The following NRXN1 variants were observed in gnomAD, a reference collection of about 807,000 sequenced individuals.
NRXN1 encodes the protein neurexin 1, also known as neurexin-1.
Under a neutral mutation model 150.9 loss-of-function variants are expected in NRXN1, and 39 were observed. The ratio of observed to expected loss-of-function variants is 0.26; its 90% CI spans 0.20 to 0.34. The LOEUF is 0.34. NRXN1 is among the 10% of genes least tolerant of loss of function. NRXN1 has a pLI of 1.00. For missense variants in NRXN1, 1,815 were observed against 1,949.9 expected, an observed-to-expected ratio of 0.93 and a Z score of 1.30; for synonymous variants, 924 against 757.0, an observed-to-expected ratio of 1.22 and a Z score of -3.62.
chr2:50,692,024 C>T (rs560586245), intron 5 of NRXN1, among the ~76,000 whole-genome samples: 12 of 152,156 alleles, frequency 7.9e-5, no homozygotes, highest in African/African-American at 1.9e-4. Context: ...TGGGGAGATA[C>T]GTCTGTGTGT....
At chr2:50,161,677 TG>T (rs748854683) in intron 18 of NRXN1, among the ~76,000 whole-genome samples, 1 of 152,186 alleles carries the variant, frequency 6.6e-6, no homozygotes, top group Non-Finnish European at 1.5e-5. Flanking sequence ...TTATCTGCAC[TG>T]ACAGTCAGCA....
At chr2:50,988,191 C>A (rs563911761) in intron 2 of NRXN1, among the ~76,000 whole-genome samples, 3 of 151,894 alleles carry the variant, frequency 2.0e-5, no homozygotes, top group Non-Finnish European at 2.9e-5. Context: ...GTCTTGTCGG[C>A]GCTCCTTAGA....
chr2:50,493,426 T>G (rs2091376830), intron 15 of NRXN1, among the ~76,000 whole-genome samples: 1 of 152,178 alleles, frequency 6.6e-6, no homozygotes, highest in South Asian at 2.1e-4. Context: ...CCACAGCACC[T>G]AAAAGTGCTG....
chr2:50,555,818 A>T (rs1048309031), intron 8 of NRXN1, among the ~76,000 whole-genome samples: 2 of 152,222 alleles, frequency 1.3e-5, no homozygotes, highest in Admixed American at 6.5e-5. Flanking sequence ...ACTTATGTGC[A>T]TATCCAGTTC....
At chr2:50,480,471 T>A (rs1362318080) in intron 15 of NRXN1, among the ~76,000 whole-genome samples, 1 of 152,156 alleles carries the variant, frequency 6.6e-6, no homozygotes, top group Non-Finnish European at 1.5e-5. Flanking sequence ...TCACACTGTC[T>A]CTCCAGACTC....
At chr2:50,410,837 T>C (rs2083097623) in intron 17 of NRXN1, among the ~76,000 whole-genome samples, 1 of 152,162 alleles carries the variant, frequency 6.6e-6, no homozygotes, top group Non-Finnish European at 1.5e-5. Flanking sequence ...AGTACTTGCA[T>C]TATCATTCCA....
At chr2:50,886,976 T>G (rs1680343069) in intron 5 of NRXN1, among the ~76,000 whole-genome samples, 1 of 151,420 alleles carries the variant, frequency 6.6e-6, no homozygotes, top group African/African-American at 2.4e-5. Context: ...TTTCAAATAA[T>G]TTTTAGAATA....
chr2:49,929,243 G>A (rs1201735544), intron 22 of NRXN1, among the ~76,000 whole-genome samples: 1 of 152,174 alleles, frequency 6.6e-6, no homozygotes, highest in South Asian at 2.1e-4. Flanking sequence ...GAACAGAAGA[G>A]ACAATGGATG....
At position 49,937,772 on chromosome 2, in the gene NRXN1, C is replaced by T. The variant is rs182242290; in HGVS notation, c.4216+5932G>A. Among the ~76,000 whole-genome samples, 412 of 152,230 alleles carry T rather than the reference C, an allele frequency of 2.7e-3. 2 individuals are homozygous for T. The highest frequency in any genetic ancestry group is 7.5e-3 in the African/African-American group (311 of 41,536). ...TTTGACAGCAATGTGTTGGCTATTACGGACTAATTAAAGTCACTTTTGAAT... is the reference window on the plus strand; with the variant it reads ...TTTGACAGCAATGTGTTGGCTATTATGGACTAATTAAAGTCACTTTTGAAT... On this transcript the variant is annotated intron_variant, in intron 22 of 22. Transcript: ENST00000401669.
At chr2:50,972,444 CT>C (rs1349744425) in intron 2 of NRXN1, among the ~76,000 whole-genome samples, 1 of 152,066 alleles carries the variant, frequency 6.6e-6, no homozygotes, top group Non-Finnish European at 1.5e-5. Context: ...GATCCCAAAC[CT>C]TTTTGGCACC....
At chr2:50,017,970 G>A (rs970800185) in intron 21 of NRXN1, among the ~76,000 whole-genome samples, 2 of 152,070 alleles carry the variant, frequency 1.3e-5, no homozygotes, top group Admixed American at 6.6e-5. Flanking sequence ...TCTGAATCAG[G>A]ATGCTACGGT....
At chr2:50,457,629 A>C (rs891413186) in intron 17 of NRXN1, among the ~76,000 whole-genome samples, 7 of 152,118 alleles carry the variant, frequency 4.6e-5, no homozygotes, top group African/African-American at 1.7e-4. Flanking sequence ...AATTATAACA[A>C]ATAATTGAAT....
At chr2:50,138,045 T>A (rs1214522992) in intron 18 of NRXN1, among the ~76,000 whole-genome samples, 1 of 152,128 alleles carries the variant, frequency 6.6e-6, no homozygotes, top group Non-Finnish European at 1.5e-5. Flanking sequence ...CATAAAAAAA[T>A]TTATGCAGCC....
chr2:50,868,530 T>C (rs1574769063), intron 5 of NRXN1, among the ~76,000 whole-genome samples: 1 of 151,776 alleles, frequency 6.6e-6, no homozygotes, highest in South Asian at 2.1e-4. Flanking sequence ...GTACCAAAAC[T>C]GCACTTGTGT....
intron 18 of NRXN1, among the ~76,000 whole-genome samples, chr2:50,095,399 G>A (rs911607344): frequency 1.3e-5 from 2 of 152,078 alleles, no homozygotes; most frequent in Non-Finnish European, 1.5e-5. Flanking sequence ...TTGTTTTAGG[G>A]TCTCGTCTAT....
intron 17 of NRXN1, among the ~76,000 whole-genome samples, chr2:50,421,745 A>G (rs2084016840): frequency 6.6e-6 from 1 of 152,160 alleles, no homozygotes; most frequent in East Asian, 1.9e-4. Flanking sequence ...CAAAGTGCAT[A>G]CTGCAAGTTA....
At chr2:50,135,690 C>T (rs1267464589) in intron 18 of NRXN1, among the ~76,000 whole-genome samples, 2 of 151,226 alleles carry the variant, frequency 1.3e-5, no homozygotes, top group Non-Finnish European at 2.9e-5. Context: ...GACTCCATCT[C>T]AAAAAACAAA....
At chr2:50,959,153 G>A (rs933578202) in intron 2 of NRXN1, among the ~76,000 whole-genome samples, 15 of 152,020 alleles carry the variant, frequency 9.9e-5, no homozygotes, top group African/African-American at 3.4e-4. Flanking sequence ...ATCATACACT[G>A]CTGATAAAAA....
At chr2:49,926,199 A>T in intron 22 of NRXN1, 1 of 395,376 alleles carries the variant, frequency 2.5e-6, no homozygotes, top group Non-Finnish European at 4.5e-6. Context: ...TTTCATATTT[A>T]TATTCACTTC....
Sources: gnomAD v4.1 joint callset for allele counts (sites outside exome capture counted in the v4.1 genomes callset) on GRCh38, gnomAD v4.1.1 for gene constraint, MANE v1.5 for transcripts, NCBI Gene and HGNC (gene_info 2026-07-23, HGNC 2026-07-21) for gene names.